TP63: variants seen among roughly 807,000 people sequenced by gnomAD.
TP63 encodes the protein tumor protein p63, also known as tumor protein 63.
In TP63, 17 loss-of-function variants were observed where a neutral mutation model predicts 82.8. The observed-to-expected ratio is 0.21, with a 90% CI of 0.14 to 0.31. TP63 has a LOEUF of 0.31. Ranked by LOEUF, TP63 falls within the 10% of genes least tolerant of loss-of-function variation. The pLI, the probability that TP63 is intolerant of heterozygous loss-of-function variation, is 1.00. For missense variants in TP63, 648 were observed against 895.3 expected, an observed-to-expected ratio of 0.72 and a Z score of 3.52; for synonymous variants, 330 against 321.7, an observed-to-expected ratio of 1.03 and a Z score of -0.28.
chr3:189,686,244 G>GT (rs58811667), intron 1 of TP63, among the ~76,000 whole-genome samples: 78,719 of 151,910 alleles, frequency 0.52, 21,082 homozygotes, highest in African/African-American at 0.68. Context: ...ACTTTTACCT[G>GT]TTTTCTTTTT....
At chr3:189,844,852 A>G (rs1031022658) in intron 4 of TP63, among the ~76,000 whole-genome samples, 1 of 152,084 alleles carries the variant, frequency 6.6e-6, no homozygotes, top group Non-Finnish European at 1.5e-5. Flanking sequence ...TGGACCCTCA[A>G]ATTTTTATTT....
At position 189,768,065 on chromosome 3, in the gene TP63, A is replaced by T. The variant is rs574159739; in HGVS notation, c.324+29291A>T. 2.0e-5 allele frequency among the ~76,000 whole-genome samples: 3 copies of T among 152,278 alleles called. No homozygotes were observed. The South Asian group carries it at 6.2e-4, about 32-fold the overall frequency. On this transcript the variant is annotated intron_variant, in intron 3 of 13. Transcript: ENST00000264731. ...TTATTGTTAGAGATTTATTTTAAGA[A>T]CTAGGTACTTCAGGCTCTGTGTTCA...
chr3:189,763,222 C>T (rs945462611), intron 3 of TP63, among the ~76,000 whole-genome samples: 5 of 152,058 alleles, frequency 3.3e-5, no homozygotes, highest in African/African-American at 7.2e-5. Context: ...TGCAGTGATC[C>T]GTGACTGTGC....
chr3:189,818,941 C>T (rs1276653911), intron 4 of TP63, among the ~76,000 whole-genome samples: 1 of 152,060 alleles, frequency 6.6e-6, no homozygotes, highest in African/African-American at 2.4e-5. Context: ...TGTGTTAGAC[C>T]CAGAGTTTGT....
chr3:189,866,880 A>T, intron 6 of TP63, 83 bp downstream of exon 6: 2 of 1,108,002 alleles, frequency 1.8e-6, no homozygotes, highest in South Asian at 1.3e-5. Flanking sequence ...AGCAACAGGG[A>T]TGTTTCTAGC....
At chr3:189,864,540 CCT>C in intron 5 of TP63, 122 bp downstream of exon 5, 36 of 443,252 alleles carry the variant, frequency 8.1e-5, no homozygotes, top group Middle Eastern at 6.8e-4. Context: ...GATCAGTCTG[CCT>C]TTTTTTTTTT....
intron 1 of TP63, among the ~76,000 whole-genome samples, chr3:189,642,768 G>A (rs1028720654): frequency 1.3e-5 from 2 of 152,094 alleles, no homozygotes; most frequent in African/African-American, 4.8e-5. Context: ...GTAGTTATGG[G>A]TAGGATTCTG....
At chr3:189,786,320 T>C (rs1431102925) in intron 3 of TP63, among the ~76,000 whole-genome samples, 1 of 151,998 alleles carries the variant, frequency 6.6e-6, no homozygotes, top group South Asian at 2.1e-4. Flanking sequence ...CCTTTCACGC[T>C]GTGTCTGAAA....
the TP63 span, among the ~76,000 whole-genome samples, chr3:189,611,940 G>A: frequency 1.3e-4 from 20 of 152,212 alleles, no homozygotes; most frequent in African/African-American, 4.3e-4. Flanking sequence ...GTTGTTGGTG[G>A]TGTATAGGAA....
chr3:189,830,629 T>C (rs1427315681), intron 4 of TP63, among the ~76,000 whole-genome samples: 2 of 152,014 alleles, frequency 1.3e-5, no homozygotes. Context: ...GCTGCTGCTG[T>C]TGTTTTATTA....
In TP63 at chr3:189,894,738, T is replaced by C; in HGVS notation, c.*236T>C. 1 of 551,622 alleles carries C rather than the reference T, an allele frequency of 1.8e-6. No individual in the cohort carries two copies. Among genetic ancestry groups the C allele is most frequent in the Non-Finnish European group, 3.2e-6 (1 of 311,150 alleles). The allele number at this position is 551,622 out of a possible 1,614,324, so 34.2% of individuals were successfully genotyped here. A position where few individuals can be genotyped will look rare whatever the true frequency, so the allele number is the denominator to read the frequency against. On this transcript the variant is annotated 3_prime_UTR_variant, in exon 14 of 14. Coordinates refer to ENST00000264731, the MANE Select transcript of TP63 (RefSeq NM_003722.5). ...CAGAACTGTAGCTGCCATGGCTAGG[T>C]AGAAGTGAGCAAAAAAGAGTTGGGT...
At chr3:189,714,486 G>A (rs1179195429) in intron 1 of TP63, among the ~76,000 whole-genome samples, 3 of 152,292 alleles carry the variant, frequency 2.0e-5, no homozygotes, top group Admixed American at 2.0e-4. Flanking sequence ...GTCTGTTAAA[G>A]TGTATGTTCG....
chr3:189,877,228 A>G (rs988028506), intron 10 of TP63, among the ~76,000 whole-genome samples: 1 of 152,228 alleles, frequency 6.6e-6, no homozygotes, highest in Non-Finnish European at 1.5e-5. Flanking sequence ...TTACATTGGA[A>G]TAAATATAGA....
intron 4 of TP63, 97 bp downstream of exon 4, chr3:189,808,623 C>T: frequency 6.3e-7 from 1 of 1,595,102 alleles, no homozygotes; most frequent in Non-Finnish European, 8.5e-7. Flanking sequence ...TTTAGCGATT[C>T]CATGTTCATG....
At chr3:189,877,816 A>G (rs1191008826) in intron 10 of TP63, among the ~76,000 whole-genome samples, 1 of 152,224 alleles carries the variant, frequency 6.6e-6, no homozygotes, top group Non-Finnish European at 1.5e-5. Context: ...GTGTTCTGCT[A>G]CATTGGCAGT....
rs1293802497 is a variant in TP63 at position 189,873,001 on chromosome 3, T to A, written c.1349+6T>A. ...CAGCACTTACTTCAGAAACAGTGAG[T>A]GTATCAACGTGTCATTTTAGGAGGC... On this transcript the variant is annotated splice_donor_region_variant and intron_variant, in intron 10 of 13. Coordinates refer to ENST00000264731, the MANE Select transcript of TP63 (RefSeq NM_003722.5). 3 of 1,613,950 alleles carry A rather than the reference T, an allele frequency of 1.9e-6. No homozygotes were observed. The highest frequency in any genetic ancestry group is 2.5e-6 in the Non-Finnish European group (3 of 1,179,980).
chr3:189,648,132 C>G (rs1290508357), intron 1 of TP63, among the ~76,000 whole-genome samples: 1 of 146,530 alleles, frequency 6.8e-6, no homozygotes, highest in Admixed American at 6.7e-5. Context: ...TTTAAAGAAA[C>G]CAAAAATAAA....
chr3:189,621,679 A>G, the TP63 span, among the ~76,000 whole-genome samples: 1 of 151,988 alleles, frequency 6.6e-6, no homozygotes, highest in Admixed American at 6.6e-5. Flanking sequence ...TTCCCTCTCT[A>G]TGTATACTCA....
the TP63 span, among the ~76,000 whole-genome samples, chr3:189,611,718 A>G: frequency 1.3e-5 from 2 of 152,232 alleles, no homozygotes; most frequent in African/African-American, 4.8e-5. Context: ...TGCTTTAGGC[A>G]GTATAGCTAT....
Sources: allele counts gnomAD v4.1 joint callset (sites outside exome capture counted in the v4.1 genomes callset), GRCh38; gene constraint gnomAD v4.1.1; transcripts MANE v1.5; gene names NCBI Gene and HGNC (gene_info 2026-07-23, HGNC 2026-07-21).